Variants in ATXN7 observed in about 807,000 individuals in gnomAD.
ATXN7 encodes ataxin-7.
A neutral mutation model predicts 70.5 loss-of-function variants in ATXN7; 12 were observed. That is an observed-to-expected ratio of 0.17 (90% CI 0.11 to 0.28). The LOEUF is 0.28. ATXN7 is among the 10% of genes least tolerant of loss of function. The pLI, the probability that ATXN7 is intolerant of heterozygous loss-of-function variation, is 1.00. For synonymous variants in ATXN7, 498 were observed against 448.7 expected (o/e 1.11, Z -1.39); for missense variants, 1,256 against 1,131.7 (o/e 1.11, Z -1.58).
At chr3:63,932,790 C>G (rs1026729082) in intron 4 of ATXN7, among the ~76,000 whole-genome samples, 34 of 152,176 alleles carry the variant, frequency 2.2e-4, no homozygotes, top group African/African-American at 7.2e-4. Context: ...AGTAGTTCTT[C>G]CAGGCAGCTT....
At chr3:63,978,121 C>G (rs923949287) in intron 5 of ATXN7, among the ~76,000 whole-genome samples, 4 of 152,154 alleles carry the variant, frequency 2.6e-5, no homozygotes, top group African/African-American at 9.7e-5. Context: ...CGTGGCTGCA[C>G]AGTAGAATCA....
intron 2 of ATXN7, among the ~76,000 whole-genome samples, chr3:63,907,271 C>T (rs918448459): frequency 1.3e-5 from 2 of 152,120 alleles, no homozygotes; most frequent in Non-Finnish European, 2.9e-5. Context: ...AGAACCCACG[C>T]TCTTAATGGC....
At chr3:63,980,725 A>G (rs1206289470) in intron 6 of ATXN7, 7 of 154,176 alleles carry the variant, frequency 4.5e-5, no homozygotes, top group Admixed American at 3.2e-4. Context: ...ACAAATGGAT[A>G]CTGGCACTCC....
At chr3:63,967,952 C>A (rs1209616173) in intron 5 of ATXN7, 23 of 1,535,750 alleles carry the variant, frequency 1.5e-5, no homozygotes, top group South Asian at 9.5e-5. Flanking sequence ...AGCCCTTCTG[C>A]GCAGGAGCTG....
In ATXN7 at chr3:63,912,700, G is replaced by A. The variant is rs1274547018; in HGVS notation, c.102G>A (p.Gln34=). The A allele has an allele frequency of 8.5e-7, 1 of 1,176,582 alleles. No homozygotes were observed. 72.9% of individuals were successfully genotyped at this position (1,176,582 alleles called of 1,614,324 possible). A position where few individuals can be genotyped will look rare whatever the true frequency, so the allele number is the denominator to read the frequency against. ...CGGCCGCCCGGCAGCAGCAGCAGCA[G>A]CAGCAGCAGCAGCAGCCGCCGCCTC... ...AAAAARQQQQ[Q]QQQQQPPPPQ... The change falls in exon 3 of 13, where the codon CAG becomes CAA. Residue 34 remains glutamine, a synonymous_variant. Coordinates refer to ENST00000674280, the MANE Select transcript of ATXN7 (RefSeq NM_001377405.1).
At chr3:63,945,768 G>A (rs1262570121) in intron 4 of ATXN7, among the ~76,000 whole-genome samples, 2 of 152,184 alleles carry the variant, frequency 1.3e-5, no homozygotes, top group African/African-American at 4.8e-5. Context: ...GATAGTGCTT[G>A]GCTAGGAGCC....
At chr3:63,994,260 G>A (rs1399241610) in intron 11 of ATXN7, among the ~76,000 whole-genome samples, 2 of 151,990 alleles carry the variant, frequency 1.3e-5, no homozygotes, top group African/African-American at 4.8e-5. Context: ...TTTGAAACAG[G>A]GCCTCACTCA....
chr3:63,960,748 C>T (rs2075115644), intron 5 of ATXN7, among the ~76,000 whole-genome samples: 3 of 151,748 alleles, frequency 2.0e-5, no homozygotes, highest in African/African-American at 7.3e-5. Context: ...TAATGAGGTG[C>T]ACTGACCTGA....
chr3:63,978,783 T>C (rs1341565345), intron 5 of ATXN7, among the ~76,000 whole-genome samples: 2 of 152,210 alleles, frequency 1.3e-5, no homozygotes, highest in African/African-American at 2.4e-5. Flanking sequence ...TAAGCCATCA[T>C]TGAAGTAATG....
Position 63,982,252 on chromosome 3 carries a change from G to A in ATXN7, c.819G>A (p.Ala273=), listed in dbSNP as rs372877938. ...TGGATGGCACACTACTGAAATCTGCGGTGGGGCCAACCTGTCCTGCTACTG... is the reference window on the plus strand; with the variant it reads ...TGGATGGCACACTACTGAAATCTGCAGTGGGGCCAACCTGTCCTGCTACTG... ...PKMDGTLLKS[A]VGPTCPATVS... The change falls in exon 7 of 13, where the codon GCG becomes GCA. Residue 273 remains alanine, a synonymous_variant. Transcript: ENST00000674280. 1.5e-5 allele frequency: 24 copies of A among 1,613,966 alleles called. No individual in the cohort carries two copies. Among genetic ancestry groups the A allele is most frequent in the Admixed American group, 1.0e-4 (6 of 59,990 alleles).
intron 5 of ATXN7, among the ~76,000 whole-genome samples, chr3:63,953,704 G>A (rs952757445): frequency 1.3e-5 from 2 of 149,436 alleles, no homozygotes; most frequent in South Asian, 2.1e-4. Flanking sequence ...ACGTTGGAGT[G>A]CAGTGGTGCG....
chr3:63,948,131 A>G (rs568372402), intron 4 of ATXN7, among the ~76,000 whole-genome samples: 25 of 152,308 alleles, frequency 1.6e-4, no homozygotes, highest in Admixed American at 2.6e-4. Flanking sequence ...TCCAGAGTTC[A>G]TTGAAAGGGT....
intron 4 of ATXN7, among the ~76,000 whole-genome samples, chr3:63,932,236 G>A (rs1329539812): frequency 6.6e-6 from 1 of 152,124 alleles, no homozygotes; most frequent in Non-Finnish European, 1.5e-5. Flanking sequence ...GTTTTGCTTA[G>A]TGCATTCACT....
At chr3:63,893,594 A>G (rs181731787) in intron 1 of ATXN7, among the ~76,000 whole-genome samples, 12 of 152,200 alleles carry the variant, frequency 7.9e-5, no homozygotes, top group Non-Finnish European at 1.3e-4. Flanking sequence ...AAGACTCCAC[A>G]TGAGGCGTTC....
At chr3:63,892,116 T>C (rs962297975) in intron 1 of ATXN7, among the ~76,000 whole-genome samples, 3 of 152,140 alleles carry the variant, frequency 2.0e-5, no homozygotes, top group Non-Finnish European at 4.4e-5. Context: ...CAGCGAAAAT[T>C]GTTCTTATTG....
intron 1 of ATXN7, among the ~76,000 whole-genome samples, chr3:63,893,791 A>G (rs1703359565): frequency 5.3e-5 from 8 of 150,190 alleles, no homozygotes. Context: ...GCAGGTAGAA[A>G]AACTCTCTAA....
intron 2 of ATXN7, among the ~76,000 whole-genome samples, chr3:63,910,959 T>G (rs1294662313): frequency 1.3e-5 from 2 of 152,158 alleles, no homozygotes; most frequent in Non-Finnish European, 1.5e-5. Flanking sequence ...TTTATGCTTA[T>G]GTAAACTTCC....
Position 63,899,506 on chromosome 3 carries a change from T to C in ATXN7, c.-12+1009T>C, listed in dbSNP as rs1346639573. On this transcript the variant is annotated intron_variant, in intron 2 of 12. Transcript: ENST00000674280. ...AACAAAAAGGGCTGAGTACAGTGGC[T>C]CACACCTGTAATCCCAGTACTTTGG... Among the ~76,000 whole-genome samples, 5 of 151,714 alleles carry C rather than the reference T, an allele frequency of 3.3e-5. 1 individual carries two copies.
At chr3:63,932,273 A>G (rs1354774913) in intron 4 of ATXN7, among the ~76,000 whole-genome samples, 1 of 152,224 alleles carries the variant, frequency 6.6e-6, no homozygotes, top group African/African-American at 2.4e-5. Flanking sequence ...TATTAATTAC[A>G]GAAACATACA....
Sources: allele counts gnomAD v4.1 joint callset (sites outside exome capture counted in the v4.1 genomes callset), GRCh38; gene constraint gnomAD v4.1.1; transcripts MANE v1.5; gene names NCBI Gene and HGNC (gene_info 2026-07-23, HGNC 2026-07-21).